SPAG1: variants seen among roughly 807,000 people sequenced by gnomAD.
SPAG1 encodes the protein sperm associated antigen 1.
SPAG1 carries 69 observed loss-of-function variants against 100.5 expected under a neutral mutation model. The ratio of observed to expected loss-of-function variants is 0.69; its 90% CI spans 0.57 to 0.84. The LOEUF (loss-of-function observed/expected upper bound fraction) is 0.84, where lower values mean the gene tolerates loss of function less well. Among genes scored for constraint, SPAG1 ranks in the 40% least tolerant of loss-of-function variants. SPAG1 has a pLI of 0.00. For missense variants in SPAG1, 955 were observed against 1,133.1 expected, an observed-to-expected ratio of 0.84 and a Z score of 2.26; for synonymous variants, 336 against 411.6, an observed-to-expected ratio of 0.82 and a Z score of 2.22.
chr8:100,216,958 A>T (rs1306325481), intron 12 of SPAG1, among the ~76,000 whole-genome samples: 1 of 98,968 alleles, frequency 1.0e-5, no homozygotes, highest in Non-Finnish European at 1.8e-5. Context: ...TTTTTTTGAG[A>T]CTGAGTCTTG....
chr8:100,183,164 G>A (rs1417337066), intron 4 of SPAG1, among the ~76,000 whole-genome samples: 3 of 151,930 alleles, frequency 2.0e-5, no homozygotes, highest in African/African-American at 7.3e-5. Flanking sequence ...GTAGAGACGG[G>A]GTTTCACCAT....
At chr8:100,217,914 C>G (rs1485925919) in intron 12 of SPAG1, among the ~76,000 whole-genome samples, 1 of 152,138 alleles carries the variant, frequency 6.6e-6, no homozygotes, top group Non-Finnish European at 1.5e-5. Flanking sequence ...TCCCAAGTAG[C>G]TGGGATTACA....
chr8:100,213,461 C>T, intron 11 of SPAG1, 33 bp downstream of exon 11: 2 of 1,368,540 alleles, frequency 1.5e-6, no homozygotes, highest in South Asian at 1.6e-5. Flanking sequence ...CTTCCTGGGC[C>T]CCTCGCGCTG....
chr8:100,233,626 G>T, intron 16 of SPAG1, 89 bp downstream of exon 16: 1 of 1,306,254 alleles, frequency 7.7e-7, no homozygotes. Context: ...TCTTGGGATG[G>T]GATTGAGGTT....
At chr8:100,169,654 C>T (rs2132213532) in intron 3 of SPAG1, among the ~76,000 whole-genome samples, 1 of 151,882 alleles carries the variant, frequency 6.6e-6, no homozygotes, top group African/African-American at 2.4e-5. Context: ...ACAAGAATTG[C>T]TTGAACCTAG....
intron 3 of SPAG1, among the ~76,000 whole-genome samples, chr8:100,171,874 A>G (rs1207443997): frequency 6.6e-6 from 1 of 152,164 alleles, no homozygotes; most frequent in Non-Finnish European, 1.5e-5. Flanking sequence ...CCGTCAGGCC[A>G]GAAGAAATCC....
At chr8:100,224,944 A>G (rs1818440722) in intron 13 of SPAG1, among the ~76,000 whole-genome samples, 2 of 152,304 alleles carry the variant, frequency 1.3e-5, no homozygotes, top group Admixed American at 6.5e-5. Flanking sequence ...ACAAATTAAA[A>G]ATGTCTTTTT....
At position 100,239,218 on chromosome 8, in the gene SPAG1, TTC is replaced by T. The variant is rs1586566498; in HGVS notation, c.2116-18_2116-17del. ...GCTCCTTCTATTTATGAAAGTTATT[TTC>T]TCTGTCTTCCTACTTACAGAATTAT... On this transcript the variant is annotated intron_variant, in intron 16 of 18. Coordinates refer to ENST00000388798, the MANE Select transcript of SPAG1 (RefSeq NM_003114.5). The surrounding 1 kb of genome is among the most constrained non-coding windows in gnomAD (Gnocchi z 5.0). The T allele has an allele frequency of 8.3e-6, 12 of 1,442,726 alleles. No individual in the cohort carries two copies. The highest frequency in any genetic ancestry group is 1.1e-5 in the Non-Finnish European group (12 of 1,077,684). The allele number at this position is 1,442,726 out of a possible 1,614,324, so 89.4% of individuals were successfully genotyped here.
rs114843148 is a variant in SPAG1 at position 100,179,520 on chromosome 8, G to T, written c.426+1579G>T. Among the ~76,000 whole-genome samples, 488 of 152,260 alleles carry T rather than the reference G, an allele frequency of 3.2e-3. 5 individuals are homozygous for T. The highest frequency in any genetic ancestry group is 0.011 in the African/African-American group (445 of 41,552). On this transcript the variant is annotated intron_variant, in intron 4 of 18. Coordinates refer to ENST00000388798, the MANE Select transcript of SPAG1 (RefSeq NM_003114.5). ...CAGTAGTTCTTAAAGTATGGTCTAG[G>T]AAGCCCTTGAAGTCCCAGAGATTCT...
chr8:100,227,956 C>T (rs917251979), intron 14 of SPAG1, among the ~76,000 whole-genome samples: 10 of 147,758 alleles, frequency 6.8e-5, no homozygotes, highest in African/African-American at 2.5e-4. Flanking sequence ...AGGCAGTCTT[C>T]CCACCTCAGT....
intron 3 of SPAG1, among the ~76,000 whole-genome samples, chr8:100,169,996 A>G (rs941962632): frequency 6.7e-6 from 1 of 149,276 alleles, no homozygotes; most frequent in African/African-American, 2.5e-5. Flanking sequence ...AAAAAAAAAG[A>G]GACTGGAGGT....
intron 10 of SPAG1, among the ~76,000 whole-genome samples, chr8:100,208,740 A>G (rs1817606935): frequency 6.6e-6 from 1 of 152,198 alleles, no homozygotes; most frequent in South Asian, 2.1e-4. Context: ...TCATATCAGC[A>G]TTTAAGTATT....
intron 3 of SPAG1, among the ~76,000 whole-genome samples, chr8:100,168,157 C>G (rs1815648259): frequency 6.6e-6 from 1 of 152,148 alleles, no homozygotes; most frequent in South Asian, 2.1e-4. Context: ...AGTGGCTGTA[C>G]CATTGTGCAA....
intron 6 of SPAG1, 130 bp downstream of exon 6, chr8:100,184,192 A>G (rs1816490205): frequency 2.2e-6 from 1 of 451,522 alleles, no homozygotes; most frequent in South Asian, 6.2e-5. Context: ...ATTTTCTCTT[A>G]CAGTTGACCA....
intron 13 of SPAG1, among the ~76,000 whole-genome samples, chr8:100,221,513 T>C (rs923540795): frequency 1.6e-4 from 25 of 152,204 alleles, no homozygotes; most frequent in Non-Finnish European, 3.4e-4. Context: ...AAAGTGTAAC[T>C]TCTGAAATAT....
At chr8:100,166,487 C>T (rs7831170) in intron 3 of SPAG1, among the ~76,000 whole-genome samples, 2,377 of 152,060 alleles carry the variant, frequency 0.016, 56 homozygotes, top group African/African-American at 0.054. Context: ...GAACTCCTGA[C>T]CTCAGGTGAT....
intron 2 of SPAG1, among the ~76,000 whole-genome samples, chr8:100,163,847 A>G (rs1400457531): frequency 6.6e-6 from 1 of 152,262 alleles, no homozygotes; most frequent in African/African-American, 2.4e-5. Context: ...ATAAATAAAA[A>G]TGAAAAGTTT....
Position 100,238,857 on chromosome 8 carries a change from C to G in SPAG1, c.2116-383C>G, listed in dbSNP as rs73280979. ...TATGTTAAAGATGAGAAGACTGAAG[C>G]CCAGAAAGGTTAAGTAGGATCTTAA... On this transcript the variant is annotated intron_variant, in intron 16 of 18. Coordinates refer to ENST00000388798, the MANE Select transcript of SPAG1 (RefSeq NM_003114.5). Among the ~76,000 whole-genome samples, 780 of 152,226 alleles carry G rather than the reference C, an allele frequency of 5.1e-3. 10 individuals carry two copies. The highest frequency in any genetic ancestry group is 0.018 in the African/African-American group (763 of 41,520).
Position 100,233,408 on chromosome 8 carries a change from C to T in SPAG1, c.1989-3C>T. The T allele has an allele frequency of 6.2e-7, 1 of 1,613,760 alleles. No individual in the cohort carries two copies. Among genetic ancestry groups the T allele is most frequent in the Non-Finnish European group, 8.5e-7 (1 of 1,179,840 alleles). On this transcript the variant is annotated splice_polypyrimidine_tract_variant and splice_region_variant and intron_variant, in intron 15 of 18. Transcript: ENST00000388798. ...AATACTGAGTTCCATTGCATTATGC[C>T]AGAGCTCTCTGTTACTTGAAGCTGT...
Sources: gnomAD v4.1 joint callset for allele counts (sites outside exome capture counted in the v4.1 genomes callset) on GRCh38, gnomAD v4.1.1 for gene constraint, Gnocchi (gnomAD v3.1) non-coding constraint, MANE v1.5 for transcripts, NCBI Gene and HGNC (gene_info 2026-07-23, HGNC 2026-07-21) for gene names.